Variants in SIRPD observed in about 807,000 individuals in gnomAD.
The protein encoded by SIRPD is signal-regulatory protein delta.
Under a neutral mutation model 18.0 loss-of-function variants are expected in SIRPD, and 21 were observed. The observed-to-expected ratio is 1.17, with a 90% CI of 0.83 to 1.68. SIRPD has a LOEUF of 1.68. Ranked by LOEUF, SIRPD falls within the 40% of genes most tolerant of loss-of-function variation. The pLI is 0.00. For synonymous variants in SIRPD, 106 were observed against 92.9 expected (o/e 1.14, Z -0.81); for missense variants, 295 against 238.4 (o/e 1.24, Z -1.56).
chr20:1,557,132 A>G (rs1044517061), intron 1 of SIRPD, among the ~76,000 whole-genome samples: 1 of 152,100 alleles, frequency 6.6e-6, no homozygotes, highest in Non-Finnish European at 1.5e-5. Context: ...GCGTGCTTGT[A>G]GTCCCAGCTA....
chr20:1,553,077 TG>T (rs1459818662), intron 1 of SIRPD, among the ~76,000 whole-genome samples: 2 of 152,190 alleles, frequency 1.3e-5, no homozygotes, highest in Non-Finnish European at 2.9e-5. Context: ...ACAGTGGGGC[TG>T]GGCATGGAAG....
At chr20:1,556,786 T>A (rs1365406562) in intron 1 of SIRPD, among the ~76,000 whole-genome samples, 3 of 152,214 alleles carry the variant, frequency 2.0e-5, no homozygotes, top group Non-Finnish European at 2.9e-5. Context: ...AACCTCACAG[T>A]CCTCAGAAAG....
At chr20:1,553,209 A>T (rs772523228) in intron 1 of SIRPD, among the ~76,000 whole-genome samples, 3 of 152,184 alleles carry the variant, frequency 2.0e-5, no homozygotes, top group African/African-American at 4.8e-5. Context: ...TGGTCTAAGA[A>T]TTCCCTAACA....
At chr20:1,537,027 G>C (rs1335591486) in intron 3 of SIRPD, 128 bp downstream of exon 3, 8 of 1,003,636 alleles carry the variant, frequency 8.0e-6, no homozygotes, top group African/African-American at 4.9e-5. Context: ...AAAGAGGAAG[G>C]GGTGGCAAAG....
chr20:1,539,729 C>T (rs1600063577), intron 2 of SIRPD, among the ~76,000 whole-genome samples: 1 of 152,070 alleles, frequency 6.6e-6, no homozygotes. Flanking sequence ...TCTTCTTCTT[C>T]CCCTCTCTCC....
chr20:1,537,368 G>T, intron 2 of SIRPD, 58 bp from the exon 3 acceptor site: 1 of 1,549,362 alleles, frequency 6.5e-7, no homozygotes, highest in Non-Finnish European at 8.8e-7. Context: ...ACTATGATGG[G>T]AGGAAAGGGC....
intron 2 of SIRPD, among the ~76,000 whole-genome samples, 186 bp downstream of exon 2, chr20:1,551,505 T>A (rs905740253): frequency 2.0e-5 from 3 of 152,230 alleles, no homozygotes; most frequent in East Asian, 1.9e-4. Flanking sequence ...TCACTCAACC[T>A]TTTCAAGTCT....
At chr20:1,546,218 C>G (rs545256694) in intron 2 of SIRPD, among the ~76,000 whole-genome samples, 1 of 152,368 alleles carries the variant, frequency 6.6e-6, no homozygotes, top group South Asian at 2.1e-4. Context: ...GCTGTGCCCA[C>G]AGCTGCCCCT....
chr20:1,540,786 T>C (rs1161445399), intron 2 of SIRPD, among the ~76,000 whole-genome samples: 1 of 152,186 alleles, frequency 6.6e-6, no homozygotes, highest in South Asian at 2.1e-4. Flanking sequence ...CTGTCTCTCC[T>C]CTTGTCCCCC....
intron 2 of SIRPD, among the ~76,000 whole-genome samples, chr20:1,550,516 A>C (rs2091014159): frequency 1.3e-5 from 2 of 152,222 alleles, no homozygotes; most frequent in Admixed American, 1.3e-4. Context: ...TCAGAGAGCC[A>C]CAGTCTTGGT....
At chr20:1,544,453 T>G (rs916913719) in intron 2 of SIRPD, among the ~76,000 whole-genome samples, 5 of 127,480 alleles carry the variant, frequency 3.9e-5, no homozygotes, top group East Asian at 5.4e-4. Context: ...TTTTTTTTTT[T>G]GCTTTCCATT....
chr20:1,535,670 G>A (rs561846818), intron 3 of SIRPD, among the ~76,000 whole-genome samples: 1 of 152,076 alleles, frequency 6.6e-6, no homozygotes, highest in Non-Finnish European at 1.5e-5. Flanking sequence ...ACAACTATAA[G>A]AAATAGGTTC....
chr20:1,555,417 A>T (rs1371930380), intron 1 of SIRPD, among the ~76,000 whole-genome samples: 1 of 152,200 alleles, frequency 6.6e-6, no homozygotes, highest in African/African-American at 2.4e-5. Flanking sequence ...GGTTCTGGTG[A>T]TCTATTGCAC....
chr20:1,547,938 C>G (rs1175276697), intron 2 of SIRPD, among the ~76,000 whole-genome samples: 4 of 152,146 alleles, frequency 2.6e-5, no homozygotes, highest in Non-Finnish European at 4.4e-5. Flanking sequence ...GAACTGTACT[C>G]TCAAGCTTGC....
intron 2 of SIRPD, among the ~76,000 whole-genome samples, chr20:1,547,522 G>T (rs1394513207): frequency 6.6e-6 from 1 of 152,214 alleles, no homozygotes; most frequent in Non-Finnish European, 1.5e-5. Flanking sequence ...CTCCCAAAGT[G>T]CTGGGATTAC....
In SIRPD at chr20:1,535,959, C is replaced by G. The variant is rs573913380; in HGVS notation, c.577+1196G>C. Among the ~76,000 whole-genome samples the G allele has an allele frequency of 2.0e-5, 3 of 152,290 alleles. No homozygotes were observed. The East Asian group carries it at 5.8e-4, about 29-fold the overall frequency. On this transcript the variant is annotated intron_variant, in intron 3 of 3. Transcript: ENST00000381623. Reference sequence around the variant, plus strand: ...CAAGTCCAGTAGGCCAGGCTCCAGCCCTGACAACCTGGTGATTCTAGGAAG... The same window carrying G: ...CAAGTCCAGTAGGCCAGGCTCCAGCGCTGACAACCTGGTGATTCTAGGAAG...
At chr20:1,554,119 G>A (rs1467885811) in intron 1 of SIRPD, 2 of 152,646 alleles carry the variant, frequency 1.3e-5, no homozygotes, top group East Asian at 1.9e-4. Flanking sequence ...CTCTGGGGAA[G>A]TGGCTTCCAT....
At chr20:1,541,774 C>G (rs2090972443) in intron 2 of SIRPD, among the ~76,000 whole-genome samples, 1 of 152,154 alleles carries the variant, frequency 6.6e-6, no homozygotes, top group African/African-American at 2.4e-5. Flanking sequence ...GGTTTTAGGT[C>G]TTACATTTAC....
intron 1 of SIRPD, among the ~76,000 whole-genome samples, chr20:1,553,752 C>T (rs1457300841): frequency 6.6e-6 from 1 of 152,098 alleles, no homozygotes; most frequent in African/African-American, 2.4e-5. Context: ...GTCAACATAG[C>T]TTGATTCAGT....
Sources: gnomAD v4.1 joint callset for allele counts (sites outside exome capture counted in the v4.1 genomes callset) on GRCh38, gnomAD v4.1.1 for gene constraint, MANE v1.5 for transcripts, NCBI Gene and HGNC (gene_info 2026-07-23, HGNC 2026-07-21) for gene names.